ADGB: variants seen among roughly 807,000 people sequenced by gnomAD.
ADGB encodes calpain-7-like protein.
In ADGB, 172 loss-of-function variants were observed where a neutral mutation model predicts 210.5. The observed-to-expected ratio is 0.82, with a 90% CI of 0.72 to 0.93. The LOEUF is 0.93. ADGB is among the 40% of genes least tolerant of loss of function. The probability of loss-of-function intolerance (pLI) is 0.00; values close to 1 mark genes in which losing one functional copy is unlikely to be tolerated. For synonymous variants in ADGB, 658 were observed against 662.7 expected (o/e 0.99, Z 0.11); for missense variants, 2,025 against 1,964.8 (o/e 1.03, Z -0.58).
intron 35 of ADGB, 95 bp from the exon 36 acceptor site, chr6:146,814,937 G>C: frequency 8.1e-7 from 1 of 1,231,440 alleles, no homozygotes; most frequent in Non-Finnish European, 1.1e-6. Flanking sequence ...ATGTGTGGGC[G>C]TAAGGACAGG....
chr6:146,798,639 GACA>G (rs1278031724), intron 33 of ADGB, among the ~76,000 whole-genome samples: 1 of 150,232 alleles, frequency 6.7e-6, no homozygotes, highest in African/African-American at 2.5e-5. Flanking sequence ...TGTATTCTCC[GACA>G]ACACTCTCCT....
intron 1 of ADGB, among the ~76,000 whole-genome samples, chr6:146,605,344 A>T (rs551497804): frequency 2.0e-5 from 3 of 152,076 alleles, no homozygotes; most frequent in Non-Finnish European, 4.4e-5. Context: ...GTGGTTAAAG[A>T]CTATACAAGC....
chr6:146,614,223 T>C (rs62436219), intron 1 of ADGB, among the ~76,000 whole-genome samples: 79 of 29,248 alleles, frequency 2.7e-3, no homozygotes, highest in Non-Finnish European at 5.9e-3. Context: ...CTTCCTCCCT[T>C]CCTTCCTTCC....
At chr6:146,708,909 C>T (rs1576088) in intron 13 of ADGB, among the ~76,000 whole-genome samples, 29,661 of 151,760 alleles carry the variant, frequency 0.2, 3,703 homozygotes, top group Non-Finnish European at 0.29. Context: ...TTCTTTTTTC[C>T]ACTTTGAGTG....
At chr6:146,685,877 G>T (rs1287329325) in intron 10 of ADGB, 49 bp downstream of exon 10, 2 of 1,170,068 alleles carry the variant, frequency 1.7e-6, no homozygotes, top group South Asian at 1.5e-5. Context: ...GTGTGTGTGG[G>T]TGCACGTGTG....
intron 1 of ADGB, among the ~76,000 whole-genome samples, chr6:146,619,110 C>CAT (rs748031257): frequency 2.0e-5 from 3 of 151,734 alleles, no homozygotes; most frequent in South Asian, 2.1e-4. Flanking sequence ...ATGTAATAAC[C>CAT]ATATATATAT....
chr6:146,739,017 C>G (rs1406848913), intron 23 of ADGB, among the ~76,000 whole-genome samples: 3 of 152,308 alleles, frequency 2.0e-5, no homozygotes, highest in Non-Finnish European at 4.4e-5. Context: ...GGTATATCAC[C>G]CTGGGTCATT....
intron 8 of ADGB, among the ~76,000 whole-genome samples, chr6:146,675,983 T>G (rs191489165): frequency 6.6e-6 from 1 of 152,160 alleles, no homozygotes; most frequent in East Asian, 1.9e-4. Context: ...GTTTTGTTTT[T>G]ATTTTTAAAA....
chr6:146,657,287 T>C (rs1366415316), intron 5 of ADGB, among the ~76,000 whole-genome samples: 16 of 147,352 alleles, frequency 1.1e-4, no homozygotes, highest in African/African-American at 4.1e-4. Context: ...GTCTCACCAT[T>C]GCACTCCAGC....
chr6:146,678,648 C>T (rs747347063), intron 9 of ADGB, among the ~76,000 whole-genome samples: 18 of 152,040 alleles, frequency 1.2e-4, no homozygotes, highest in East Asian at 3.8e-4. Context: ...TTTATGACAA[C>T]GGTCATTACA....
chr6:146,765,848 C>A (rs1235496220), intron 28 of ADGB, among the ~76,000 whole-genome samples: 1 of 151,322 alleles, frequency 6.6e-6, no homozygotes, highest in Non-Finnish European at 1.5e-5. Context: ...AGAAAAGTAA[C>A]TCAAAGATAA....
At chr6:146,700,603 G>A (rs531304100) in intron 12 of ADGB, among the ~76,000 whole-genome samples, 1 of 152,170 alleles carries the variant, frequency 6.6e-6, no homozygotes, top group East Asian at 1.9e-4. Context: ...TCCTAGTTCT[G>A]TTTCACTGAT....
At chr6:146,705,378 A>G (rs1489099671) in intron 13 of ADGB, among the ~76,000 whole-genome samples, 8 of 152,144 alleles carry the variant, frequency 5.3e-5, no homozygotes, top group Non-Finnish European at 1.0e-4. Flanking sequence ...AAAGCTTTCA[A>G]CTTTTCACTG....
chr6:146,780,078 T>C (rs924470538), intron 29 of ADGB, among the ~76,000 whole-genome samples: 8 of 151,946 alleles, frequency 5.3e-5, no homozygotes, highest in African/African-American at 1.9e-4. Context: ...AAGATGAAAT[T>C]TGTGATAATA....
intron 20 of ADGB, among the ~76,000 whole-genome samples, chr6:146,731,107 T>C (rs1776978895): frequency 6.6e-6 from 1 of 152,204 alleles, no homozygotes; most frequent in Non-Finnish European, 1.5e-5. Context: ...CCCCTTACTT[T>C]TTAATTTGTA....
chr6:146,644,994 C>T lies in ADGB; in HGVS notation c.330+129C>T. 3 of 483,942 alleles carry T rather than the reference C, an allele frequency of 6.2e-6. No homozygotes were observed. The South Asian group carries it at 1.5e-4, about 24-fold the overall frequency. 30.0% of individuals were successfully genotyped at this position (483,942 alleles called of 1,614,324 possible). On this transcript the variant is annotated intron_variant, in intron 3 of 35. Transcript: ENST00000397944. ...GTGGTATTCAGTAAAAAAGTAATTGCTTTTTGGCAACTAATCAAAACTAAA... is the reference window on the plus strand; with the variant it reads ...GTGGTATTCAGTAAAAAAGTAATTGTTTTTTGGCAACTAATCAAAACTAAA...
intron 35 of ADGB, among the ~76,000 whole-genome samples, chr6:146,805,904 A>G (rs1318619087): frequency 6.6e-6 from 1 of 152,204 alleles, no homozygotes; most frequent in East Asian, 1.9e-4. Flanking sequence ...TATAAATACT[A>G]TGCTTTCATT....
At chr6:146,723,266 T>C (rs1398766796) in intron 17 of ADGB, among the ~76,000 whole-genome samples, 1 of 152,222 alleles carries the variant, frequency 6.6e-6, no homozygotes, top group Non-Finnish European at 1.5e-5. Context: ...TGACCTTATG[T>C]CCTCAACTCC....
At chr6:146,673,262 G>T (rs550290002) in intron 8 of ADGB, among the ~76,000 whole-genome samples, 3 of 152,178 alleles carry the variant, frequency 2.0e-5, no homozygotes, top group African/African-American at 7.2e-5. Context: ...ACATTCTTCT[G>T]TTGTAAGAGT....
Sources: gnomAD v4.1 joint callset for allele counts (sites outside exome capture counted in the v4.1 genomes callset) on GRCh38, gnomAD v4.1.1 for gene constraint, MANE v1.5 for transcripts, NCBI Gene and HGNC (gene_info 2026-07-23, HGNC 2026-07-21) for gene names.